Variants in TINAG observed in about 807,000 individuals in gnomAD.
The protein encoded by TINAG is tubulointerstitial nephritis antigen.
TINAG carries 83 observed loss-of-function variants against 72.7 expected under a neutral mutation model. The ratio of observed to expected loss-of-function variants is 1.14; its 90% CI spans 0.96 to 1.37. The LOEUF (loss-of-function observed/expected upper bound fraction) is 1.37. Among genes scored for constraint, TINAG ranks in the 40% most tolerant of loss-of-function variants. The probability of loss-of-function intolerance (pLI) is 0.00; values close to 1 mark genes in which losing one functional copy is unlikely to be tolerated. For missense variants in TINAG, 685 were observed against 576.6 expected, an observed-to-expected ratio of 1.19 and a Z score of -1.93; for synonymous variants, 234 against 189.9, an observed-to-expected ratio of 1.23 and a Z score of -1.91.
intron 1 of TINAG, among the ~76,000 whole-genome samples, chr6:54,315,942 A>G (rs1346272287): frequency 6.6e-6 from 1 of 152,178 alleles, no homozygotes; most frequent in Non-Finnish European, 1.5e-5. Context: ...CTCCTTAACT[A>G]TATTACAATG....
intron 4 of TINAG, among the ~76,000 whole-genome samples, chr6:54,332,227 G>C (rs1784758255): frequency 6.6e-6 from 1 of 152,032 alleles, no homozygotes; most frequent in Non-Finnish European, 1.5e-5. Context: ...ATACTACAAG[G>C]CTACTGTAAC....
At chr6:54,340,320 A>G (rs925860937) in intron 4 of TINAG, among the ~76,000 whole-genome samples, 4 of 151,988 alleles carry the variant, frequency 2.6e-5, no homozygotes, top group Non-Finnish European at 4.4e-5. Context: ...ATGAATTTCT[A>G]TCTACTCAAG....
chr6:54,347,638 C>CA, intron 6 of TINAG, 121 bp downstream of exon 6: 1 of 992,490 alleles, frequency 1.0e-6, no homozygotes. Context: ...ACTACATCTA[C>CA]ATGAATATAA....
chr6:54,366,133 G>A (rs931575389), intron 9 of TINAG, among the ~76,000 whole-genome samples: 1 of 151,556 alleles, frequency 6.6e-6, no homozygotes, highest in African/African-American at 2.4e-5. Flanking sequence ...CATGAGGTGG[G>A]AATTATTATT....
At position 54,323,135 on chromosome 6, in the gene TINAG, A is replaced by G. The variant is rs1165257533; in HGVS notation, c.509+1749A>G. On this transcript the variant is annotated intron_variant, in intron 3 of 10. Coordinates refer to ENST00000259782, the MANE Select transcript of TINAG (RefSeq NM_014464.4). Reference sequence around the variant, plus strand: ...TTTCCATGATTTATTTATTTTGAGCATGCCCTACGGCTGCTTAAGAGGCAT... The same window carrying G: ...TTTCCATGATTTATTTATTTTGAGCGTGCCCTACGGCTGCTTAAGAGGCAT... 2.0e-5 allele frequency among the ~76,000 whole-genome samples: 3 copies of G among 152,348 alleles called. No individual in the cohort carries two copies. In the East Asian group the frequency reaches 5.8e-4, roughly 29 times the overall value.
At chr6:54,376,069 T>C (rs754485182) in intron 9 of TINAG, among the ~76,000 whole-genome samples, 1 of 152,148 alleles carries the variant, frequency 6.6e-6, no homozygotes, top group African/African-American at 2.4e-5. Flanking sequence ...TTCATGGCTG[T>C]ATGACTGCAC....
intron 8 of TINAG, among the ~76,000 whole-genome samples, chr6:54,354,157 G>A (rs989202257): frequency 6.6e-6 from 1 of 151,842 alleles, no homozygotes; most frequent in African/African-American, 2.4e-5. Flanking sequence ...GTTTTAAAAG[G>A]CTTGTGGTAA....
At chr6:54,371,522 T>C in intron 9 of TINAG, among the ~76,000 whole-genome samples, 1 of 151,476 alleles carries the variant, frequency 6.6e-6, no homozygotes, top group African/African-American at 2.4e-5. Flanking sequence ...TATTAATGAG[T>C]ATTTATCTAT....
chr6:54,321,469 G>T lies in TINAG; in HGVS notation c.509+83G>T, dbSNP rs554493143. 112 of 936,004 alleles carry T rather than the reference G, an allele frequency of 1.2e-4. 1 individual carries two copies. The South Asian group carries it at 1.6e-3, about 13-fold the overall frequency. 58.0% of individuals were successfully genotyped at this position (936,004 alleles called of 1,614,324 possible). On this transcript the variant is annotated intron_variant, in intron 3 of 10. Coordinates refer to ENST00000259782, the MANE Select transcript of TINAG (RefSeq NM_014464.4). ...AATGTATTGCTTGGTTTCTATAAAT[G>T]GTCATTGTTTAAAAAGAAAGAGTGG... is the stretch of plus-strand genomic sequence containing the variant.
chr6:54,343,637 A>G (rs1318087332), intron 5 of TINAG, among the ~76,000 whole-genome samples: 1 of 151,920 alleles, frequency 6.6e-6, no homozygotes, highest in Non-Finnish European at 1.5e-5. Context: ...GTTAAGGCCA[A>G]ATAATAAAAA....
chr6:54,308,452 A>C lies in TINAG; in HGVS notation c.-99A>C, dbSNP rs1784159873. On this transcript the variant is annotated 5_prime_UTR_variant, in exon 1 of 11. Transcript: ENST00000259782. ...GGATCAGTTTCAGGGTTCAGGCTGA[A>C]GTGTCTTAATGACTAGAATTCAGGT... 17 of 952,662 alleles carry C rather than the reference A, an allele frequency of 1.8e-5. No individual in the cohort carries two copies. The highest frequency in any genetic ancestry group is 2.5e-5 in the Non-Finnish European group (16 of 641,390). The allele number at this position is 952,662 out of a possible 1,614,324, so 59.0% of individuals were successfully genotyped here.
chr6:54,362,463 A>G (rs139090374), intron 9 of TINAG, among the ~76,000 whole-genome samples: 121 of 151,670 alleles, frequency 8.0e-4, no homozygotes, highest in African/African-American at 2.6e-3. Flanking sequence ...CACTGTTGAG[A>G]TCTGCTACTC....
intron 4 of TINAG, among the ~76,000 whole-genome samples, chr6:54,329,221 A>G (rs143490058): frequency 1.2e-3 from 187 of 152,304 alleles, no homozygotes; most frequent in African/African-American, 4.3e-3. Flanking sequence ...GAAGAGTCAG[A>G]TAGAAAGATC....
intron 9 of TINAG, among the ~76,000 whole-genome samples, chr6:54,372,283 C>T (rs113564284): frequency 1.4e-4 from 22 of 152,010 alleles, no homozygotes; most frequent in African/African-American, 4.6e-4. Context: ...TGAGCCACTG[C>T]GCCCAGCCTC....
chr6:54,340,319 T>C (rs1784966959), intron 4 of TINAG, among the ~76,000 whole-genome samples: 1 of 152,004 alleles, frequency 6.6e-6, no homozygotes, highest in African/African-American at 2.4e-5. Context: ...AATGAATTTC[T>C]ATCTACTCAA....
intron 10 of TINAG, among the ~76,000 whole-genome samples, chr6:54,382,591 ATATTGG>A (rs1763984706): frequency 6.6e-6 from 1 of 152,114 alleles, no homozygotes; most frequent in African/African-American, 2.4e-5. Context: ...GATGATATAG[ATATTGG>A]TATAGATATA....
rs765962602 is a variant in TINAG at position 54,329,916 on chromosome 6, GAACT to G, written c.624+3006_624+3009del. ...GGTAAGGGGATCAAGGCAACAAGAA[GAACT>G]AACTATCATGAATATGTATGCACCC... On this transcript the variant is annotated intron_variant, in intron 4 of 10. Coordinates refer to ENST00000259782, the MANE Select transcript of TINAG (RefSeq NM_014464.4). Among the ~76,000 whole-genome samples, 16 of 152,160 alleles carry G rather than the reference GAACT, an allele frequency of 1.1e-4. No homozygotes were observed. In the East Asian group the frequency reaches 2.7e-3, roughly 26 times the overall value.
intron 10 of TINAG, among the ~76,000 whole-genome samples, chr6:54,389,581 G>A (rs961543641): frequency 6.6e-6 from 1 of 152,184 alleles, no homozygotes; most frequent in African/African-American, 2.4e-5. Flanking sequence ...ACTCAGAAGA[G>A]TCATATCAAT....
In TINAG at chr6:54,343,336, A is replaced by G; in HGVS notation, c.735A>G (p.Ala245=). The G allele has an allele frequency of 6.5e-7, 1 of 1,547,678 alleles. No individual in the cohort carries two copies. Among genetic ancestry groups the G allele is most frequent in the African/African-American group, 1.4e-5 (1 of 72,976 alleles). ...AAAAAAATTGTGCTGCATCCTGGGC[A>G]TTTTCCACTGCAAGTAATAAAGTCA... The part of the protein sequence containing the change: ...LDQKNCAASW[A]FSTASVAADR... Residue 245 remains alanine, a synonymous_variant, in exon 5 of 11, where the codon GCA becomes GCG. Transcript: ENST00000259782.
Sources: allele counts gnomAD v4.1 joint callset (sites outside exome capture counted in the v4.1 genomes callset), GRCh38; gene constraint gnomAD v4.1.1; transcripts MANE v1.5; gene names NCBI Gene and HGNC (gene_info 2026-07-23, HGNC 2026-07-21).